Variants in GDAP1 observed in about 807,000 individuals in gnomAD.
GDAP1 encodes ganglioside induced differentiation associated protein 1, also known as ganglioside-induced differentiation-associated protein 1.
A neutral mutation model predicts 40.1 loss-of-function variants in GDAP1; 34 were observed. The ratio of observed to expected loss-of-function variants is 0.85; its 90% CI spans 0.64 to 1.13. GDAP1 has a LOEUF of 1.13. GDAP1 is among the 50% of genes most tolerant of loss of function. GDAP1 has a pLI of 0.00. For synonymous variants in GDAP1, 170 were observed against 157.4 expected (o/e 1.08, Z -0.60); for missense variants, 374 against 433.7 (o/e 0.86, Z 1.22).
intron 2 of GDAP1, among the ~76,000 whole-genome samples, chr8:74,461,678 G>A (rs893993267): frequency 2.6e-5 from 4 of 152,204 alleles, no homozygotes; most frequent in Admixed American, 6.5e-5. Flanking sequence ...GCATTGTATG[G>A]ATAGATTCTG....
chr8:74,374,966 A>G (rs1809826452), intron 2 of GDAP1, among the ~76,000 whole-genome samples: 1 of 152,216 alleles, frequency 6.6e-6, no homozygotes, highest in Non-Finnish European at 1.5e-5. Flanking sequence ...AAACATAGAT[A>G]AGGGAGTGCT....
intron 2 of GDAP1, among the ~76,000 whole-genome samples, chr8:74,474,946 A>G (rs1806606494): frequency 6.6e-6 from 1 of 152,078 alleles, no homozygotes; most frequent in Non-Finnish European, 1.5e-5. Context: ...TAGGCTATTT[A>G]TTACTGATTC....
At chr8:74,385,073 AGG>A (rs930011137) in intron 2 of GDAP1, among the ~76,000 whole-genome samples, 6 of 152,228 alleles carry the variant, frequency 3.9e-5, no homozygotes, top group African/African-American at 1.4e-4. Context: ...AGGGACTTTA[AGG>A]AATTTTTTAA....
At chr8:74,424,017 A>G (rs1039222574) in intron 2 of GDAP1, among the ~76,000 whole-genome samples, 2 of 152,156 alleles carry the variant, frequency 1.3e-5, no homozygotes, top group Admixed American at 6.6e-5. Context: ...AAATGTAAAT[A>G]CAACTGTTCC....
intron 2 of GDAP1, among the ~76,000 whole-genome samples, chr8:74,414,304 C>T (rs527381981): frequency 1.3e-5 from 2 of 150,136 alleles, no homozygotes; most frequent in South Asian, 2.1e-4. Context: ...AAAATACAAT[C>T]GACAGATGCC....
In GDAP1 at chr8:74,366,002, C is replaced by A. The variant is rs1407473834; in HGVS notation, c.*1635C>A. The stretch of plus-strand genomic sequence containing the variant: ...GTTCTTTATGTCACTCTGTTAGAAA[C>A]AAGAACTGAGTCGTGAAGAAATAAG... On this transcript the variant is annotated 3_prime_UTR_variant, in exon 6 of 6. Coordinates refer to ENST00000220822, the MANE Select transcript of GDAP1 (RefSeq NM_018972.4). 2.2e-6 allele frequency: 1 copy of A among 452,102 alleles called. No individual in the cohort carries two copies. Among genetic ancestry groups the A allele is most frequent in the Admixed American group, 2.4e-5 (1 of 42,262 alleles). 28.0% of individuals were successfully genotyped at this position (452,102 alleles called of 1,614,324 possible).
intron 2 of GDAP1, among the ~76,000 whole-genome samples, chr8:74,380,524 G>A (rs1269846044): frequency 3.3e-5 from 5 of 150,670 alleles, no homozygotes; most frequent in African/African-American, 1.2e-4. Flanking sequence ...TCACCAAAGG[G>A]GCATGTTCAG....
intron 2 of GDAP1, among the ~76,000 whole-genome samples, chr8:74,392,945 A>G (rs1285581336): frequency 1.3e-5 from 2 of 152,228 alleles, no homozygotes; most frequent in East Asian, 1.9e-4. Context: ...GACTTTTGGC[A>G]GTTTGTTACA....
chr8:74,414,304 C>A (rs527381981), intron 2 of GDAP1, among the ~76,000 whole-genome samples: 3 of 150,024 alleles, frequency 2.0e-5, no homozygotes, highest in Non-Finnish European at 4.4e-5. Flanking sequence ...AAAATACAAT[C>A]GACAGATGCC....
At chr8:74,401,550 A>G (rs995239040) in intron 2 of GDAP1, among the ~76,000 whole-genome samples, 9 of 149,348 alleles carry the variant, frequency 6.0e-5, no homozygotes, top group Non-Finnish European at 8.8e-5. Context: ...TCTTCTCTCA[A>G]CTCGTCAAAG....
intron 2 of GDAP1, among the ~76,000 whole-genome samples, chr8:74,441,874 C>T (rs912931086): frequency 4.6e-5 from 7 of 152,206 alleles, no homozygotes; most frequent in African/African-American, 1.4e-4. Context: ...GTACCACTTT[C>T]GTTCATAGAC....
At chr8:74,407,833 C>CT (rs34532603) in intron 2 of GDAP1, among the ~76,000 whole-genome samples, 29,858 of 149,654 alleles carry the variant, frequency 0.2, 3,929 homozygotes, top group Admixed American at 0.32. Context: ...CTGGTCAGAA[C>CT]TTCTGCCCCT....
intron 2 of GDAP1, among the ~76,000 whole-genome samples, chr8:74,382,566 A>G (rs191640936): frequency 6.6e-6 from 1 of 152,276 alleles, no homozygotes; most frequent in African/African-American, 2.4e-5. Context: ...CTTGGAATTA[A>G]TCCCTGAATT....
At position 74,351,278 on chromosome 8, in the gene GDAP1, G is replaced by T. The variant is rs1026088217; in HGVS notation, c.122G>T (p.Arg41Leu). 2.5e-6 allele frequency: 4 copies of T among 1,613,554 alleles called. No homozygotes were observed. The highest frequency in any genetic ancestry group is 2.7e-5 in the African/African-American group (2 of 74,926). Reference sequence around the variant, plus strand: ...AACCAGTGTGAACTCTTCCAGGTGCGCTTGGTAATTGCTGAAAAGGCATTG... The same window carrying T: ...AACCAGTGTGAACTCTTCCAGGTGCTCTTGGTAATTGCTGAAAAGGCATTG... ...WTHSFSSQKV[R>L]LVIAEKALKC... The change falls in exon 2 of 6, where the codon CGC becomes CTC. Residue 41 changes from arginine to leucine, a missense_variant. By Grantham distance (102) the Arg-to-Leu change is moderately radical. Transcript: ENST00000220822.
chr8:74,461,641 T>C (rs1193461150), intron 2 of GDAP1, among the ~76,000 whole-genome samples: 3 of 152,222 alleles, frequency 2.0e-5, no homozygotes, highest in Admixed American at 6.5e-5. Flanking sequence ...GACTAATTGA[T>C]TGGGTTGCTC....
At chr8:74,403,078 A>C (rs1362113029) in intron 2 of GDAP1, among the ~76,000 whole-genome samples, 1 of 150,244 alleles carries the variant, frequency 6.7e-6, no homozygotes, top group Non-Finnish European at 1.5e-5. Context: ...ACACGATAAT[A>C]GTGCCCAAAC....
chr8:74,472,970 G>A (rs1039760412), intron 2 of GDAP1, among the ~76,000 whole-genome samples: 17 of 152,092 alleles, frequency 1.1e-4, no homozygotes, highest in African/African-American at 4.1e-4. Flanking sequence ...GGCTGACACT[G>A]AACTCATGGA....
intron 2 of GDAP1, among the ~76,000 whole-genome samples, chr8:74,385,179 TTTATTA>T (rs960348081): frequency 3.3e-5 from 5 of 152,044 alleles, no homozygotes; most frequent in Non-Finnish European, 5.9e-5. Context: ...TATAGATCTT[TTTATTA>T]TTATTATTAT....
intron 2 of GDAP1, among the ~76,000 whole-genome samples, chr8:74,392,425 T>C (rs1480090156): frequency 6.6e-6 from 1 of 152,232 alleles, no homozygotes; most frequent in Non-Finnish European, 1.5e-5. Context: ...ATGGACAATT[T>C]GTATGGCCCA....
Sources: gnomAD v4.1 joint callset for allele counts (sites outside exome capture counted in the v4.1 genomes callset) on GRCh38, gnomAD v4.1.1 for gene constraint, MANE v1.5 for transcripts, NCBI Gene and HGNC (gene_info 2026-07-23, HGNC 2026-07-21) for gene names.